DOT1L: variants seen among roughly 807,000 people sequenced by gnomAD.
The protein encoded by DOT1L is histone-lysine N-methyltransferase, H3 lysine-79 specific.
DOT1L carries 33 observed loss-of-function variants against 153.3 expected under a neutral mutation model. That is an observed-to-expected ratio of 0.22 (90% CI 0.16 to 0.29). The LOEUF is 0.29. Ranked by LOEUF, DOT1L falls within the 10% of genes least tolerant of loss-of-function variation. The pLI is 1.00. For missense variants in DOT1L, 1,847 were observed against 2,119.9 expected, an observed-to-expected ratio of 0.87 and a Z score of 2.53; for synonymous variants, 1,135 against 965.1, an observed-to-expected ratio of 1.18 and a Z score of -3.26.
intron 2 of DOT1L, among the ~76,000 whole-genome samples, chr19:2,181,711 G>A (rs2022242390): frequency 6.6e-6 from 1 of 152,142 alleles, no homozygotes; most frequent in Non-Finnish European, 1.5e-5. Flanking sequence ...GTTATGGTTG[G>A]AGGGAGGGCT....
At chr19:2,177,067 G>T (rs911786789) in intron 1 of DOT1L, among the ~76,000 whole-genome samples, 1 of 152,190 alleles carries the variant, frequency 6.6e-6, no homozygotes, top group African/African-American at 2.4e-5. Flanking sequence ...CAGTGCTTCC[G>T]GCTGCACCCT....
At chr19:2,167,212 G>T (rs905350647) in intron 1 of DOT1L, among the ~76,000 whole-genome samples, 1 of 152,136 alleles carries the variant, frequency 6.6e-6, no homozygotes, top group African/African-American at 2.4e-5. Flanking sequence ...GGTTCTCAGG[G>T]GTGGACCGCA....
At chr19:2,188,926 G>A (rs1007939882) in intron 3 of DOT1L, among the ~76,000 whole-genome samples, 1 of 152,174 alleles carries the variant, frequency 6.6e-6, no homozygotes, top group South Asian at 2.1e-4. Flanking sequence ...GTGCCCCACA[G>A]ACAGTGGGCA....
chr19:2,209,512 C>A lies in DOT1L; in HGVS notation c.1005+536C>A, dbSNP rs77724952. ...ATGTGCGCTTGTCCCACCCTCGGTG[C>A]AGAGTGCAGCTCCTGGGCCCCCGCG... On this transcript the variant is annotated intron_variant, in intron 12 of 27. Coordinates refer to ENST00000398665, the MANE Select transcript of DOT1L (RefSeq NM_032482.3). 5.7e-3 allele frequency among the ~76,000 whole-genome samples: 875 copies of A among 152,342 alleles called. 8 individuals carry two copies. The highest frequency in any genetic ancestry group is 0.02 in the African/African-American group (812 of 41,582).
At position 2,231,424 on chromosome 19, in the gene DOT1L, G is replaced by C. The variant is rs2024592491; in HGVS notation, c.*1632G>C. 4.9e-6 allele frequency: 1 copy of C among 205,042 alleles called. No individual in the cohort carries two copies. Among genetic ancestry groups the C allele is most frequent in the South Asian group, 1.9e-4 (1 of 5,308 alleles). The allele number at this position is 205,042 out of a possible 1,614,324, so 12.7% of individuals were successfully genotyped here. A position where few individuals can be genotyped will look rare whatever the true frequency, so the allele number is the denominator to read the frequency against. ...GAGGAAAGGCTTCTGTGGTTGCTAG[G>C]TGGGGGAGTCCTGTGTGGGAGGGCC... On this transcript the variant is annotated 3_prime_UTR_variant, in exon 28 of 28. Transcript: ENST00000398665.
intron 25 of DOT1L, 50 bp downstream of exon 25, chr19:2,223,536 G>C: frequency 2.8e-6 from 3 of 1,082,252 alleles, no homozygotes; most frequent in African/African-American, 1.7e-5. Context: ...AGGGGCAGGA[G>C]GTGCCTGCTC....
rs373381527 is a variant in DOT1L at position 2,221,971 on chromosome 19, G to A, written c.2807-5G>A. 7.5e-6 allele frequency: 12 copies of A among 1,596,872 alleles called. No homozygotes were observed. The highest frequency in any genetic ancestry group is 5.4e-5 in the African/African-American group (4 of 74,576). ...CCCCTGAGACCCCCATGTCCTTCCC[G>A]GCAGGCTTCTCCTACGCTGGCTCGG... On this transcript the variant is annotated splice_region_variant and splice_polypyrimidine_tract_variant and intron_variant, in intron 23 of 27. Transcript: ENST00000398665.
intron 3 of DOT1L, among the ~76,000 whole-genome samples, chr19:2,186,778 G>A (rs1349456663): frequency 2.0e-5 from 3 of 152,378 alleles, no homozygotes; most frequent in East Asian, 1.9e-4. Context: ...AGGGTCCTGC[G>A]TGCCGACCTG....
intron 1 of DOT1L, among the ~76,000 whole-genome samples, chr19:2,177,988 T>G (rs2022032235): frequency 6.6e-6 from 1 of 151,638 alleles, no homozygotes; most frequent in East Asian, 1.9e-4. Flanking sequence ...AGTGGTGCAG[T>G]CTCAGCTCAC....
At chr19:2,169,113 G>A (rs1395490754) in intron 1 of DOT1L, among the ~76,000 whole-genome samples, 1 of 152,094 alleles carries the variant, frequency 6.6e-6, no homozygotes, top group Non-Finnish European at 1.5e-5. Flanking sequence ...TCATTAATGA[G>A]TGAGTACATG....
At position 2,211,112 on chromosome 19, in the gene DOT1L, C is replaced by T. The variant is rs902352723; in HGVS notation, c.1365C>T (p.Ser455=). ...CCGCTCTCCCAGATGCCTACAGATC[C>T]CCTCACAGCCCGTTCTACCAGCTAC... ...AASSPQDAYR[S]PHSPFYQLPP... Residue 455 remains serine (S), a synonymous_variant, in exon 15 of 28, where the codon TCC becomes TCT. Coordinates refer to ENST00000398665, the MANE Select transcript of DOT1L (RefSeq NM_032482.3). 1.2e-6 allele frequency: 2 copies of T among 1,612,708 alleles called. No homozygotes were observed. Among genetic ancestry groups the T allele is most frequent in the African/African-American group, 1.3e-5 (1 of 74,920 alleles).
intron 1 of DOT1L, among the ~76,000 whole-genome samples, chr19:2,168,858 C>T (rs1299225966): frequency 1.3e-5 from 2 of 152,186 alleles, no homozygotes; most frequent in African/African-American, 2.4e-5. Context: ...TTGTCATCTA[C>T]CTGCCTGGGC....
intron 9 of DOT1L, 120 bp from the exon 10 acceptor site, chr19:2,206,609 A>C (rs576160632): frequency 2.2e-6 from 2 of 912,432 alleles, no homozygotes; most frequent in Non-Finnish European, 3.6e-6. Context: ...GCAGGTGGAC[A>C]GGACCCGGAG....
chr19:2,188,085 C>G (rs1298846338), intron 3 of DOT1L: 2 of 152,296 alleles, frequency 1.3e-5, no homozygotes, highest in Non-Finnish European at 2.9e-5. Flanking sequence ...ACCCCCGTGT[C>G]CTTCGTCCTC....
At chr19:2,227,347 T>C (rs1160136308) in intron 27 of DOT1L, 2 of 738,014 alleles carry the variant, frequency 2.7e-6, no homozygotes, top group Non-Finnish European at 4.9e-6. Flanking sequence ...TGTAACCGCG[T>C]CCCTCTTGTT....
chr19:2,182,102 CTA>C (rs973445065), intron 2 of DOT1L, among the ~76,000 whole-genome samples: 1 of 152,114 alleles, frequency 6.6e-6, no homozygotes, highest in African/African-American at 2.4e-5. Flanking sequence ...TAGCAGGTGC[CTA>C]TAGTCCCAGC....
chr19:2,214,212 A>G, intron 18 of DOT1L: 1 of 892,432 alleles, frequency 1.1e-6, no homozygotes, highest in African/African-American at 1.7e-5. Flanking sequence ...ATGGAGCCAC[A>G]CTCTGGCAGG....
intron 27 of DOT1L, 102 bp from the exon 28 acceptor site, chr19:2,229,683 G>A: frequency 6.2e-7 from 1 of 1,604,724 alleles, no homozygotes; most frequent in Non-Finnish European, 8.5e-7. Flanking sequence ...CAGGTGGCGT[G>A]TGTGCTCGTG....
At chr19:2,213,696 G>T in intron 17 of DOT1L, 56 bp downstream of exon 17, 3 of 1,605,778 alleles carry the variant, frequency 1.9e-6, no homozygotes, top group Non-Finnish European at 2.6e-6. Context: ...GGCTGGGGTG[G>T]TCCATGTCCG....
Sources: gnomAD v4.1 joint callset for allele counts (sites outside exome capture counted in the v4.1 genomes callset) on GRCh38, gnomAD v4.1.1 for gene constraint, MANE v1.5 for transcripts, NCBI Gene and HGNC (gene_info 2026-07-23, HGNC 2026-07-21) for gene names.